The following MYT1L variants were observed in gnomAD, a reference collection of about 807,000 sequenced individuals.
The protein encoded by MYT1L is myelin transcription factor 1-like protein.
Under a neutral mutation model 126.7 loss-of-function variants are expected in MYT1L, and 12 were observed. That is an observed-to-expected ratio of 0.09 (90% CI 0.06 to 0.15). MYT1L has a LOEUF of 0.15. Ranked by LOEUF, MYT1L falls within the 10% of genes least tolerant of loss-of-function variation. The pLI is 1.00. For synonymous variants in MYT1L, 541 were observed against 604.2 expected (o/e 0.90, Z 1.53); for missense variants, 979 against 1,585.2 (o/e 0.62, Z 6.49).
At chr2:2,153,776 G>C (rs2086233786) in intron 3 of MYT1L, among the ~76,000 whole-genome samples, 1 of 152,170 alleles carries the variant, frequency 6.6e-6, no homozygotes, top group Non-Finnish European at 1.5e-5. Context: ...CTCTGAGTGG[G>C]TTTCCATGAG....
intron 2 of MYT1L, among the ~76,000 whole-genome samples, chr2:2,266,586 G>A (rs958947185): frequency 1.3e-5 from 2 of 152,152 alleles, no homozygotes; most frequent in African/African-American, 2.4e-5. Flanking sequence ...TGGCACAGGA[G>A]CAGGGAGTGG....
intron 14 of MYT1L, among the ~76,000 whole-genome samples, chr2:1,898,349 G>A (rs1047228908): frequency 6.6e-6 from 1 of 152,218 alleles, no homozygotes; most frequent in African/African-American, 2.4e-5. Flanking sequence ...TCCAACTAGT[G>A]TTTCAAGTAA....
chr2:2,277,249 C>T (rs549847086), intron 2 of MYT1L, among the ~76,000 whole-genome samples: 4 of 152,292 alleles, frequency 2.6e-5, no homozygotes, highest in East Asian at 1.9e-4. Context: ...GGATTACAGG[C>T]GTGAGCCACC....
chr2:1,837,292 G>C (rs768288254), intron 21 of MYT1L, among the ~76,000 whole-genome samples: 1 of 152,242 alleles, frequency 6.6e-6, no homozygotes, highest in Non-Finnish European at 1.5e-5. Flanking sequence ...CTCTGAACCA[G>C]TGCCGTCCCT....
At chr2:2,302,445 C>T (rs773410683) in intron 1 of MYT1L, among the ~76,000 whole-genome samples, 3 of 152,144 alleles carry the variant, frequency 2.0e-5, no homozygotes, top group Admixed American at 2.0e-4. Flanking sequence ...TGTGGGGCCA[C>T]TTTTCCTTTG....
At chr2:2,290,797 A>G (rs751115234) in intron 1 of MYT1L, among the ~76,000 whole-genome samples, 6 of 152,192 alleles carry the variant, frequency 3.9e-5, no homozygotes, top group Non-Finnish European at 8.8e-5. Context: ...CCCAGGCATC[A>G]GTATTTTTTT....
At chr2:2,086,923 T>G (rs2076414930) in intron 3 of MYT1L, among the ~76,000 whole-genome samples, 1 of 152,208 alleles carries the variant, frequency 6.6e-6, no homozygotes, top group African/African-American at 2.4e-5. Context: ...GCCAACCTCA[T>G]GCAGGCCACA....
chr2:2,285,749 C>A (rs1444519396), intron 1 of MYT1L, among the ~76,000 whole-genome samples: 1 of 152,180 alleles, frequency 6.6e-6, no homozygotes, highest in Non-Finnish European at 1.5e-5. Context: ...CACGTTAGGT[C>A]AGACACTGCA....
intron 8 of MYT1L, among the ~76,000 whole-genome samples, chr2:1,960,707 C>A (rs1174388321): frequency 6.6e-6 from 1 of 152,166 alleles, no homozygotes; most frequent in African/African-American, 2.4e-5. Context: ...CATCACCTCC[C>A]TGGACCCTTC....
intron 2 of MYT1L, among the ~76,000 whole-genome samples, chr2:2,272,631 T>G (rs1380170578): frequency 6.6e-6 from 1 of 152,174 alleles, no homozygotes; most frequent in Non-Finnish European, 1.5e-5. Flanking sequence ...AGCATAGGTC[T>G]CTTCTCTGAA....
At chr2:2,274,788 T>G (rs1267425634) in intron 2 of MYT1L, among the ~76,000 whole-genome samples, 1 of 152,120 alleles carries the variant, frequency 6.6e-6, no homozygotes, top group African/African-American at 2.4e-5. Context: ...GTTTAAAGCA[T>G]GCCACGGTAA....
intron 8 of MYT1L, among the ~76,000 whole-genome samples, chr2:1,944,275 C>G (rs191509718): frequency 5.9e-4 from 90 of 152,162 alleles, no homozygotes; most frequent in African/African-American, 2.0e-3. Context: ...TTTTCCCCAT[C>G]CTGTTTCCAA....
chr2:1,991,755 C>T (rs1489847843), intron 5 of MYT1L, among the ~76,000 whole-genome samples: 1 of 152,164 alleles, frequency 6.6e-6, no homozygotes, highest in Non-Finnish European at 1.5e-5. Flanking sequence ...TTGGCTATCA[C>T]TTTTAACATC....
At chr2:2,285,251 A>G (rs1289233285) in intron 1 of MYT1L, among the ~76,000 whole-genome samples, 2 of 152,170 alleles carry the variant, frequency 1.3e-5, no homozygotes, top group African/African-American at 2.4e-5. Context: ...GCATTATGGC[A>G]ATGTATGCAG....
At chr2:1,850,523 G>A (rs2043130468) in intron 19 of MYT1L, among the ~76,000 whole-genome samples, 1 of 152,124 alleles carries the variant, frequency 6.6e-6, no homozygotes, top group African/African-American at 2.4e-5. Flanking sequence ...ACAGCATGTA[G>A]TGGATTCGCC....
At chr2:2,174,418 C>T (rs995491732) in intron 2 of MYT1L, among the ~76,000 whole-genome samples, 2 of 152,192 alleles carry the variant, frequency 1.3e-5, no homozygotes, top group Non-Finnish European at 2.9e-5. Flanking sequence ...GACATACCAC[C>T]TTGAAATCAT....
At chr2:2,005,292 A>AT (rs2063130590) in intron 4 of MYT1L, among the ~76,000 whole-genome samples, 1 of 85,162 alleles carries the variant, frequency 1.2e-5, no homozygotes, top group Non-Finnish European at 2.4e-5. Context: ...TCTTTCCTGC[A>AT]GGCGTTCTTT....
chr2:2,109,911 A>ATATATATATATATATATATC (rs1559038954), intron 3 of MYT1L, among the ~76,000 whole-genome samples: 1 of 120,332 alleles, frequency 8.3e-6, no homozygotes, highest in African/African-American at 3.0e-5. Context: ...ATATATATAT[A>ATATATATATATATATATATC]TATATATATA....
At chr2:1,846,936 C>T (rs2042579201) in intron 19 of MYT1L, among the ~76,000 whole-genome samples, 1 of 152,202 alleles carries the variant, frequency 6.6e-6, no homozygotes, top group Non-Finnish European at 1.5e-5. Flanking sequence ...GGCTCTTCTG[C>T]ATGACATCAA....
Sources: allele counts gnomAD v4.1 joint callset (sites outside exome capture counted in the v4.1 genomes callset), GRCh38; gene constraint gnomAD v4.1.1; transcripts MANE v1.5; gene names NCBI Gene and HGNC (gene_info 2026-07-23, HGNC 2026-07-21).